The following NDUFA10 variants were observed in gnomAD, a reference collection of about 807,000 sequenced individuals.
NDUFA10 encodes NADH dehydrogenase [ubiquinone] 1 alpha subcomplex subunit 10, mitochondrial.
A neutral mutation model predicts 47.8 loss-of-function variants in NDUFA10; 40 were observed. The observed-to-expected ratio is 0.84, with a 90% confidence interval of 0.65 to 1.09. NDUFA10 has a LOEUF of 1.09. Ranked by LOEUF, NDUFA10 falls within the 50% of genes least tolerant of loss-of-function variation. The pLI is 0.00. For missense variants in NDUFA10, 413 were observed against 451.1 expected, an observed-to-expected ratio of 0.92 and a Z score of 0.76; for synonymous variants, 183 against 172.2, an observed-to-expected ratio of 1.06 and a Z score of -0.49.
intron 9 of NDUFA10, 22 bp from the exon 10 acceptor site, chr2:239,961,208 G>GTGCATTCTGTTTAA (rs1694840787): frequency 6.2e-7 from 1 of 1,614,000 alleles, no homozygotes; most frequent in African/African-American, 1.3e-5. Context: ...AAAGGCATTG[G>GTGCATTCTGTTTAA]TGCATTCTGT....
At chr2:239,964,389 C>T (rs1485305862) in intron 9 of NDUFA10, among the ~76,000 whole-genome samples, 1 of 152,138 alleles carries the variant, frequency 6.6e-6, no homozygotes, top group African/African-American at 2.4e-5. Flanking sequence ...CCCTTGAGCC[C>T]CCGGAAGGAG....
chr2:239,983,829 G>A, intron 9 of NDUFA10: 4 of 1,464,326 alleles, frequency 2.7e-6, no homozygotes, highest in Non-Finnish European at 3.6e-6. Context: ...AGGTACCTAA[G>A]GAGACATGAG....
At chr2:239,991,954 T>G (rs1026224770) in intron 8 of NDUFA10, among the ~76,000 whole-genome samples, 4 of 152,214 alleles carry the variant, frequency 2.6e-5, no homozygotes, top group African/African-American at 9.7e-5. Flanking sequence ...TTTTAACAAG[T>G]AGGCTTCAAA....
chr2:239,952,582 G>A (rs532531638), downstream of NDUFA10, among the ~76,000 whole-genome samples: 35 of 152,248 alleles, frequency 2.3e-4, no homozygotes, highest in Admixed American at 8.5e-4. Context: ...GAACTTCCAC[G>A]ATGGACAAAG....
At position 240,010,941 on chromosome 2, in the gene NDUFA10, TA is replaced by T. The variant is rs566752858; in HGVS notation, c.749+675del. On this transcript the variant is annotated intron_variant, in intron 6 of 9. Transcript: ENST00000252711. ...AGGCACCGAAAGAGGCTTAGGGTTT[TA>T]AAAAGTATGAGAAATAGTATAAAAA... Among the ~76,000 whole-genome samples, 53 of 152,294 alleles carry T rather than the reference TA, an allele frequency of 3.5e-4. No individual in the cohort carries two copies. The East Asian group carries it at 8.7e-3, about 25-fold the overall frequency.
rs1696071288 is a variant in NDUFA10, at chr2:239,987,973, T to C, written c.999+2101A>G. ...TGATAACTAGTAGTAGGGAAATAGG[T>C]GGGGTAAATGGAATAAAGAAAAAAA... On this transcript the variant is annotated intron_variant, in intron 9 of 9. Transcript: ENST00000252711. This position sits in a 1 kb window ranked among gnomAD's most constrained non-coding sequence, Gnocchi z 4.8. Among the ~76,000 whole-genome samples the C allele has an allele frequency of 6.6e-6, 1 of 151,660 alleles. No individual in the cohort carries two copies. Among genetic ancestry groups the C allele is most frequent in the Non-Finnish European group, 1.5e-5 (1 of 67,910 alleles).
Position 240,025,260 on chromosome 2 carries a change from G to A in NDUFA10, c.42C>T (p.Ser14=). ...RLLKLAATSA[S]ARVVAAGAQR... The stretch of plus-strand genomic sequence containing the variant: ...GGGCGCCCGCCGCCACGACCCGGGC[G>A]GACGCGGACGTCGCTGCCAGCTTCA... The change falls in exon 1 of 10, where the codon TCC becomes TCT. Residue 14 remains serine (S), a synonymous_variant. Transcript: ENST00000252711. 5 of 1,501,048 alleles carry A rather than the reference G, an allele frequency of 3.3e-6. No homozygotes were observed. Among genetic ancestry groups the A allele is most frequent in the Non-Finnish European group, 4.4e-6 (5 of 1,129,478 alleles). 93.0% of individuals were successfully genotyped at this position (1,501,048 alleles called of 1,614,324 possible). A position where few individuals can be genotyped will look rare whatever the true frequency, so the allele number is the denominator to read the frequency against.
chr2:239,917,901 T>C (rs1693903286), intron 4 of NDUFA10, among the ~76,000 whole-genome samples: 1 of 152,152 alleles, frequency 6.6e-6, no homozygotes, highest in Admixed American at 6.5e-5. Flanking sequence ...CAGGTACCAG[T>C]GACATGTGAG....
At chr2:239,964,512 C>T (rs990846362) in intron 9 of NDUFA10, among the ~76,000 whole-genome samples, 2 of 152,156 alleles carry the variant, frequency 1.3e-5, no homozygotes, top group African/African-American at 4.8e-5. Context: ...CAGCAGCAGA[C>T]GACTCCTGCC....
In NDUFA10 at chr2:239,983,680, G is replaced by A. The variant is rs757372553; in HGVS notation, c.999+6394C>T. ...CAAGTGCCCCTGATGCTTCACCTCT[G>A]TGGATTCCTCCCCAAAACACACAGT... is the stretch of plus-strand genomic sequence containing the variant. On this transcript the variant is annotated intron_variant, in intron 9 of 9. Coordinates refer to ENST00000252711, the MANE Select transcript of NDUFA10 (RefSeq NM_004544.4). 26 of 1,576,062 alleles carry A rather than the reference G, an allele frequency of 1.6e-5. 1 individual carries two copies. Among genetic ancestry groups the A allele is most frequent in the Non-Finnish European group, 2.2e-5 (25 of 1,161,390 alleles).
chr2:239,906,094 G>A lies in NDUFA10; in HGVS notation c.295-10780C>T, dbSNP rs1326826151. Among the ~76,000 whole-genome samples, 3 of 152,168 alleles carry A rather than the reference G, an allele frequency of 2.0e-5. No homozygotes were observed. The East Asian group carries it at 5.8e-4, about 29-fold the overall frequency. ...CTCAGGGGACCTTGAAGCAGCCCTG[G>A]CCACAGATGTGTGCTGAGCTCATGA... On this transcript the variant is annotated intron_variant, in intron 4 of 5. Transcript: ENST00000419408. This position sits in a 1 kb window ranked among gnomAD's most constrained non-coding sequence, Gnocchi z 4.3.
At position 239,983,513 on chromosome 2, in the gene NDUFA10, T is replaced by C. The variant is rs753479407; in HGVS notation, c.999+6561A>G. ...AATCCTCTAAACAGTCAGACAATTC[T>C]TACTCAACAAAGGAACATAAAGGCT... On this transcript the variant is annotated intron_variant, in intron 9 of 9. Coordinates refer to ENST00000252711, the MANE Select transcript of NDUFA10 (RefSeq NM_004544.4). 24 of 1,597,802 alleles carry C rather than the reference T, an allele frequency of 1.5e-5. No homozygotes were observed. The African/African-American group carries it at 2.4e-4, about 16-fold the overall frequency.
intron 4 of NDUFA10, among the ~76,000 whole-genome samples, chr2:239,949,594 A>C (rs1280542265): frequency 6.6e-6 from 1 of 152,186 alleles, no homozygotes; most frequent in East Asian, 1.9e-4. Flanking sequence ...CCTGGGCTCA[A>C]GCAATCCTCC....
chr2:239,909,527 T>G (rs1322577126), intron 4 of NDUFA10, among the ~76,000 whole-genome samples: 2 of 152,030 alleles, frequency 1.3e-5, no homozygotes, highest in African/African-American at 4.8e-5. Context: ...GCAGGGGAAT[T>G]GCTTGAACCC....
intron 9 of NDUFA10, among the ~76,000 whole-genome samples, chr2:239,968,177 C>T (rs937953018): frequency 1.3e-5 from 2 of 152,084 alleles, no homozygotes; most frequent in African/African-American, 2.4e-5. Context: ...TGATGGAGGG[C>T]GAAAAGGGTG....
Position 239,984,643 on chromosome 2 carries a change from C to T in NDUFA10, c.999+5431G>A, listed in dbSNP as rs556439456. Among the ~76,000 whole-genome samples the T allele has an allele frequency of 2.6e-5, 4 of 152,356 alleles. No individual in the cohort carries two copies. In the South Asian group the frequency reaches 6.2e-4, roughly 24 times the overall value. ...GTAACTGTTAAAACGGCTAACACAT[C>T]TGTCCCCTCCTGAACAACCAAACAG... On this transcript the variant is annotated intron_variant, in intron 9 of 9. Coordinates refer to ENST00000252711, the MANE Select transcript of NDUFA10 (RefSeq NM_004544.4).
At chr2:239,905,012 C>T (rs2106467237) in intron 4 of NDUFA10, among the ~76,000 whole-genome samples, 1 of 152,336 alleles carries the variant, frequency 6.6e-6, no homozygotes, top group Middle Eastern at 3.4e-3. Context: ...CCAGGAGGGT[C>T]TCATCTCAAA....
At chr2:239,966,365 G>A (rs972742401) in intron 9 of NDUFA10, among the ~76,000 whole-genome samples, 3 of 152,162 alleles carry the variant, frequency 2.0e-5, no homozygotes, top group African/African-American at 7.2e-5. Context: ...GGCTGCAGAG[G>A]GTGTGCACAT....
chr2:240,023,649 A>G (rs1469281558), intron 1 of NDUFA10, among the ~76,000 whole-genome samples: 1 of 152,264 alleles, frequency 6.6e-6, no homozygotes, highest in Non-Finnish European at 1.5e-5. Context: ...TATCCATATT[A>G]TGGAATACTA....
Sources: gnomAD v4.1 joint callset for allele counts (sites outside exome capture counted in the v4.1 genomes callset) on GRCh38, gnomAD v4.1.1 for gene constraint, Gnocchi (gnomAD v3.1) non-coding constraint, MANE v1.5 for transcripts, NCBI Gene and HGNC (gene_info 2026-07-23, HGNC 2026-07-21) for gene names.